BSDC1: variants seen among roughly 807,000 people sequenced by gnomAD.
BSDC1 encodes BSD domain containing 1.
Under a neutral mutation model 56.0 loss-of-function variants are expected in BSDC1, and 29 were observed. The observed-to-expected ratio is 0.52, with a 90% CI of 0.39 to 0.71. The LOEUF (loss-of-function observed/expected upper bound fraction) is 0.71, where lower values mean the gene tolerates loss of function less well. BSDC1 is among the 30% of genes least tolerant of loss of function. The pLI, the probability that BSDC1 is intolerant of heterozygous loss-of-function variation, is 0.00. For synonymous variants in BSDC1, 210 were observed against 215.3 expected, an observed-to-expected ratio of 0.98 and a Z score of 0.21; for missense variants, 477 against 548.5, an observed-to-expected ratio of 0.87 and a Z score of 1.30.
chr1:32,375,071 G>A (rs746098401), intron 9 of BSDC1, among the ~76,000 whole-genome samples: 8 of 152,006 alleles, frequency 5.3e-5, no homozygotes, highest in East Asian at 3.9e-4. Flanking sequence ...AGAATGGCGC[G>A]AACCTGAGAG....
rs758680221 is a variant in BSDC1, at chr1:32,384,010, C to T, written c.190-13G>A. The T allele has an allele frequency of 2.1e-5, 34 of 1,612,896 alleles. No individual in the cohort carries two copies. The highest frequency in any genetic ancestry group is 1.9e-4 in the Middle Eastern group (1 of 5,202). On this transcript the variant is annotated splice_polypyrimidine_tract_variant and intron_variant, in intron 3 of 10. Transcript: ENST00000455895. ...AGGAGCCTTCCGTCTGTATAGAGAA[C>T]GGGCAGAGGAAGCAAGCGCCCCGGG...
chr1:32,392,516 A>G (rs769236199), intron 2 of BSDC1, among the ~76,000 whole-genome samples: 2 of 151,990 alleles, frequency 1.3e-5, no homozygotes, highest in Non-Finnish European at 2.9e-5. Flanking sequence ...TCTATTTTTC[A>G]TAAGTTATGA....
At chr1:32,385,141 A>G (rs1251918412) in intron 3 of BSDC1, among the ~76,000 whole-genome samples, 2 of 152,266 alleles carry the variant, frequency 1.3e-5, no homozygotes, top group South Asian at 4.1e-4. Flanking sequence ...AAATTGTAAT[A>G]TAAAAAACAG....
chr1:32,394,117 C>G lies in BSDC1; in HGVS notation c.35G>C (p.Ser12Thr). ...TGCTTGGTAGCTCTGCTGCAGCCAG[C>G]TCCGCCACCATCCCACGTCCTCCCT... The part of the protein sequence containing the change: ...AEGEDVGWWR[S>T]WLQQSYQAVK... Residue 12 changes from serine to threonine, a missense_variant, in exon 2 of 11, where the codon AGC (serine) becomes ACC (threonine). Transcript: ENST00000455895. 6.2e-7 allele frequency: 1 copy of G among 1,610,018 alleles called. No homozygotes were observed. The highest frequency in any genetic ancestry group is 8.5e-7 in the Non-Finnish European group (1 of 1,178,304).
In BSDC1 at chr1:32,378,634, ATGACTCTGCAG is replaced by A. The variant is rs982013798; in HGVS notation, c.528+79_528+89del. 3 of 932,072 alleles carry A rather than the reference ATGACTCTGCAG, an allele frequency of 3.2e-6. No homozygotes were observed. In the African/African-American group the frequency reaches 5.0e-5, roughly 16 times the overall value. 57.7% of individuals were successfully genotyped at this position (932,072 alleles called of 1,614,324 possible). A position where few individuals can be genotyped will look rare whatever the true frequency, so the allele number is the denominator to read the frequency against. On this transcript the variant is annotated intron_variant, in intron 6 of 10. Coordinates refer to ENST00000455895, the MANE Select transcript of BSDC1 (RefSeq NM_018045.8). This position sits in a 1 kb window ranked among gnomAD's most constrained non-coding sequence, Gnocchi z 5.2. ...AGCCTCCCAGTGCTCTCCGGGCCAG[ATGACTCTGCAG>A]TGACTCTGAACATGTCCCTCCCACC... is the stretch of plus-strand genomic sequence containing the variant.
At chr1:32,374,976 C>A (rs937683352) in intron 9 of BSDC1, among the ~76,000 whole-genome samples, 2 of 152,096 alleles carry the variant, frequency 1.3e-5, no homozygotes, top group Non-Finnish European at 2.9e-5. Flanking sequence ...CACAGTGAAA[C>A]CCCATCTCTA....
In BSDC1 at chr1:32,366,421, T is replaced by C; in HGVS notation, c.*201A>G. 1.4e-6 allele frequency: 1 copy of C among 708,422 alleles called. No homozygotes were observed. Among genetic ancestry groups the C allele is most frequent in the Non-Finnish European group, 2.6e-6 (1 of 387,672 alleles). 43.9% of individuals were successfully genotyped at this position (708,422 alleles called of 1,614,324 possible). A position where few individuals can be genotyped will look rare whatever the true frequency, so the allele number is the denominator to read the frequency against. On this transcript the variant is annotated 3_prime_UTR_variant, in exon 11 of 11. Coordinates refer to ENST00000455895, the MANE Select transcript of BSDC1 (RefSeq NM_018045.8). ...CCTATTGTTGGCACAAGTCAGAGTTTCTGGCCGGGATTTAGAGAGCCCCTT... is the reference window on the plus strand; with the variant it reads ...CCTATTGTTGGCACAAGTCAGAGTTCCTGGCCGGGATTTAGAGAGCCCCTT...
intron 9 of BSDC1, among the ~76,000 whole-genome samples, chr1:32,371,450 A>G (rs904174119): frequency 2.6e-5 from 4 of 151,642 alleles, no homozygotes; most frequent in Non-Finnish European, 5.9e-5. Context: ...AGCTGGGACT[A>G]CAGGCGCCCG....
rs979057705 is a variant in BSDC1, at chr1:32,378,622, T to A, written c.528+102A>T. ...CTGGCTCTATGGAGCCTCCCAGTGC[T>A]CTCCGGGCCAGATGACTCTGCAGTG... On this transcript the variant is annotated intron_variant, in intron 6 of 10. Transcript: ENST00000455895. The surrounding 1 kb of genome is among the most constrained non-coding windows in gnomAD (Gnocchi z 5.2). 1 of 830,256 alleles carries A rather than the reference T, an allele frequency of 1.2e-6. No individual in the cohort carries two copies. Among genetic ancestry groups the A allele is most frequent in the Admixed American group, 3.0e-5 (1 of 32,960 alleles). The allele number at this position is 830,256 out of a possible 1,614,324, so 51.4% of individuals were successfully genotyped here.
chr1:32,393,558 G>A (rs1246813374), intron 2 of BSDC1: 1 of 153,824 alleles, frequency 6.5e-6, no homozygotes, highest in Non-Finnish European at 1.4e-5. Flanking sequence ...TTACCACAAC[G>A]GTAACTAAAC....
intron 5 of BSDC1, 87 bp downstream of exon 5, chr1:32,381,127 C>T: frequency 7.2e-7 from 1 of 1,395,354 alleles, no homozygotes; most frequent in Non-Finnish European, 1.0e-6. Flanking sequence ...TGCCCGGCCT[C>T]TGCTACCTGA....
At position 32,366,563 on chromosome 1, in the gene BSDC1, G is replaced by C; in HGVS notation, c.*59C>G. On this transcript the variant is annotated 3_prime_UTR_variant, in exon 11 of 11. Coordinates refer to ENST00000455895, the MANE Select transcript of BSDC1 (RefSeq NM_018045.8). ...ATTCTCAGTCTTCCAGGGCTGGGCTGAGACGAGCGAGGGAGGCGAGAGATG... is the reference window on the plus strand; with the variant it reads ...ATTCTCAGTCTTCCAGGGCTGGGCTCAGACGAGCGAGGGAGGCGAGAGATG... 1 of 1,430,726 alleles carries C rather than the reference G, an allele frequency of 7.0e-7. No individual in the cohort carries two copies. Among genetic ancestry groups the C allele is most frequent in the Non-Finnish European group, 9.6e-7 (1 of 1,037,360 alleles). The allele number at this position is 1,430,726 out of a possible 1,614,324, so 88.6% of individuals were successfully genotyped here.
Position 32,365,341 on chromosome 1 carries a change from A to G in BSDC1, c.*1281T>C, listed in dbSNP as rs1641808032. On this transcript the variant is annotated 3_prime_UTR_variant, in exon 11 of 11. Transcript: ENST00000455895. ...TTAATTAAACTAAAGAAATAATTAC[A>G]AAGAGAAAAACCCCATCCCGTCAAA... 1 of 152,574 alleles carries G rather than the reference A, an allele frequency of 6.6e-6. No homozygotes were observed. The highest frequency in any genetic ancestry group is 6.5e-5 in the Admixed American group (1 of 15,278). The allele number at this position is 152,574 out of a possible 1,614,324, so 9.5% of individuals were successfully genotyped here.
intron 2 of BSDC1, among the ~76,000 whole-genome samples, chr1:32,391,220 G>A (rs1366170627): frequency 1.3e-5 from 2 of 152,130 alleles, no homozygotes; most frequent in African/African-American, 4.8e-5. Flanking sequence ...GGAAGATAAG[G>A]GCTGAAAACC....
chr1:32,381,404 T>A, intron 4 of BSDC1, 136 bp from the exon 5 acceptor site: 1 of 828,754 alleles, frequency 1.2e-6, no homozygotes, highest in Non-Finnish European at 2.0e-6. Context: ...GGGCATCTGT[T>A]AATTAGCACT....
At chr1:32,372,361 G>C (rs1290485869) in intron 9 of BSDC1, among the ~76,000 whole-genome samples, 2 of 152,224 alleles carry the variant, frequency 1.3e-5, no homozygotes, top group African/African-American at 4.8e-5. Flanking sequence ...TCAGGGCTTT[G>C]GTTGTGGCCA....
chr1:32,383,291 T>G (rs1221057719), intron 4 of BSDC1, among the ~76,000 whole-genome samples: 1 of 151,812 alleles, frequency 6.6e-6, no homozygotes, highest in Non-Finnish European at 1.5e-5. Context: ...AAAATAATTT[T>G]TTTAAATTAG....
At position 32,378,982 on chromosome 1, in the gene BSDC1, C is replaced by A. The variant is rs757057008; in HGVS notation, c.413-143G>T. Reference sequence around the variant, plus strand: ...ACTTAGCCAAGGGTAGGGGGTCAGGCAGGGTGAAGGGGCGGGTGCCGCACC... The same window carrying A: ...ACTTAGCCAAGGGTAGGGGGTCAGGAAGGGTGAAGGGGCGGGTGCCGCACC... On this transcript the variant is annotated intron_variant, in intron 5 of 10. Transcript: ENST00000455895. The surrounding 1 kb of genome is among the most constrained non-coding windows in gnomAD (Gnocchi z 5.2). The A allele has an allele frequency of 1.2e-5, 6 of 504,684 alleles. No individual in the cohort carries two copies. Among genetic ancestry groups the A allele is most frequent in the African/African-American group, 2.0e-5 (1 of 49,542 alleles). The allele number at this position is 504,684 out of a possible 1,614,324, so 31.3% of individuals were successfully genotyped here.
chr1:32,372,151 G>A (rs781115848), intron 9 of BSDC1, among the ~76,000 whole-genome samples: 4 of 152,224 alleles, frequency 2.6e-5, no homozygotes, highest in Non-Finnish European at 5.9e-5. Context: ...AATGAATGGT[G>A]CTGCCTTTCT....
Sources: allele counts gnomAD v4.1 joint callset (sites outside exome capture counted in the v4.1 genomes callset), GRCh38; gene constraint gnomAD v4.1.1; non-coding constraint Gnocchi (gnomAD v3.1); transcripts MANE v1.5; gene names NCBI Gene and HGNC (gene_info 2026-07-23, HGNC 2026-07-21).